The following GLT1D1 variants were observed in gnomAD, a reference collection of about 807,000 sequenced individuals.
The protein encoded by GLT1D1 is glycosyltransferase 1 domain-containing protein 1.
GLT1D1 carries 21 observed loss-of-function variants against 28.7 expected under a neutral mutation model. The ratio of observed to expected loss-of-function variants is 0.73; its 90% CI spans 0.52 to 1.05. The LOEUF is 1.05. Ranked by LOEUF, GLT1D1 falls within the 50% of genes least tolerant of loss-of-function variation. The pLI, the probability that GLT1D1 is intolerant of heterozygous loss-of-function variation, is 0.00. For missense variants in GLT1D1, 343 were observed against 330.6 expected (o/e 1.04, Z -0.29); for synonymous variants, 147 against 124.8 (o/e 1.18, Z -1.19).
intron 6 of GLT1D1, among the ~76,000 whole-genome samples, chr12:128,953,797 G>A (rs1399744878): frequency 6.6e-6 from 1 of 151,682 alleles, no homozygotes; most frequent in African/African-American, 2.4e-5. Flanking sequence ...CCAGGCTGGA[G>A]TGCAGTGACG....
chr12:128,984,228 A>T lies in GLT1D1; in HGVS notation c.*1138A>T, dbSNP rs1880586942. 1 of 152,228 alleles carries T rather than the reference A, an allele frequency of 6.6e-6. No individual in the cohort carries two copies. Among genetic ancestry groups the T allele is most frequent in the South Asian group, 2.1e-4 (1 of 4,830 alleles). The allele number at this position is 152,228 out of a possible 1,614,324, so 9.4% of individuals were successfully genotyped here. On this transcript the variant is annotated 3_prime_UTR_variant, in exon 8 of 8. Transcript: ENST00000281703. Reference sequence around the variant, plus strand: ...GTTGCTGTGGGAAGCGTTCGGTGAAAGCGGGTTTCGACGCTTAGGAGGGCC... The same window carrying T: ...GTTGCTGTGGGAAGCGTTCGGTGAATGCGGGTTTCGACGCTTAGGAGGGCC...
intron 2 of GLT1D1, 123 bp downstream of exon 2, chr12:128,876,185 A>C: frequency 1.2e-6 from 1 of 836,580 alleles, no homozygotes; most frequent in Admixed American, 2.8e-5. Context: ...GGAGACATGC[A>C]ATAATCTCTT....
At chr12:128,898,889 C>T (rs1313798897) in intron 3 of GLT1D1, among the ~76,000 whole-genome samples, 3 of 152,216 alleles carry the variant, frequency 2.0e-5, no homozygotes, top group East Asian at 1.9e-4. Context: ...AGTGGACAGG[C>T]TGCCCTTGAA....
chr12:128,883,688 A>G (rs1181420501), intron 2 of GLT1D1, among the ~76,000 whole-genome samples: 4 of 152,054 alleles, frequency 2.6e-5, no homozygotes, highest in African/African-American at 9.7e-5. Context: ...CCTCTAGCAC[A>G]AGTACTGATT....
At position 128,980,367 on chromosome 12, in the gene GLT1D1, T is replaced by C. The variant is rs79473787; in HGVS notation, c.640-2562T>C. ...ACTTCAAACATTCACGGTTCTCTTG[T>C]TGAAGAGGAGGAGCTGAGTGCCTGG... On this transcript the variant is annotated intron_variant, in intron 7 of 7. Transcript: ENST00000281703. 2.5e-3 allele frequency among the ~76,000 whole-genome samples: 376 copies of C among 152,318 alleles called. 1 individual carries two copies. The highest frequency in any genetic ancestry group is 8.7e-3 in the African/African-American group (361 of 41,568).
intron 2 of GLT1D1, among the ~76,000 whole-genome samples, chr12:128,886,052 A>T (rs1416389420): frequency 6.6e-6 from 1 of 152,044 alleles, no homozygotes; most frequent in Admixed American, 6.6e-5. Context: ...GTCTCTCATG[A>T]TCTGATGGTT....
intron 4 of GLT1D1, among the ~76,000 whole-genome samples, chr12:128,942,743 G>GTTTTTT (rs1254764237): frequency 3.0e-5 from 3 of 100,916 alleles, no homozygotes; most frequent in South Asian, 3.6e-4. Context: ...TTGTTTGTTT[G>GTTTTTT]TTTTTGTTTT....
rs757554858 is a variant in GLT1D1, at chr12:128,945,362, G to C, written c.412G>C (p.Val138Leu). ...GTTTACAAGGGAAGTGAAAGCCAAA[G>C]TGAAAAGGTAAGAGTTGGTGGAGAC... Residue 138 changes from valine (V) to leucine (L), a missense_variant, in exon 5 of 8, where the codon GTG becomes CTG. Physicochemically the swap from Val to Leu is conservative, Grantham distance 32 (BLOSUM62 1). Transcript: ENST00000281703. The C allele has an allele frequency of 1.9e-6, 3 of 1,613,954 alleles. No homozygotes were observed. The African/African-American group carries it at 4.0e-5, about 22-fold the overall frequency.
chr12:128,939,541 G>A (rs979882352), intron 4 of GLT1D1, among the ~76,000 whole-genome samples: 1 of 152,068 alleles, frequency 6.6e-6, no homozygotes. Flanking sequence ...GGGCCACATT[G>A]TGAGACCCTG....
intron 1 of GLT1D1, 31 bp from the exon 2 acceptor site, chr12:128,875,883 T>TCTTCTC (rs772183334): frequency 1.3e-6 from 2 of 1,596,186 alleles, no homozygotes; most frequent in South Asian, 2.3e-5. Flanking sequence ...TTTCCCCTCA[T>TCTTCTC]CTTCTCCTTT....
At chr12:128,937,521 A>G (rs1270472623) in intron 4 of GLT1D1, among the ~76,000 whole-genome samples, 2 of 152,170 alleles carry the variant, frequency 1.3e-5, no homozygotes, top group African/African-American at 4.8e-5. Context: ...GAGAGGGGGC[A>G]TTGCCTGCAT....
chr12:128,955,649 A>C (rs1877201344), intron 6 of GLT1D1, among the ~76,000 whole-genome samples: 1 of 152,046 alleles, frequency 6.6e-6, no homozygotes, highest in Non-Finnish European at 1.5e-5. Flanking sequence ...GGTCCTGGTC[A>C]GTTGTCCTTG....
intron 7 of GLT1D1, among the ~76,000 whole-genome samples, chr12:128,961,896 G>A (rs1360064993): frequency 6.6e-6 from 1 of 150,646 alleles, no homozygotes; most frequent in East Asian, 1.9e-4. Context: ...ACAGAAATGT[G>A]ACCTTTTTTT....
At chr12:128,919,595 G>A (rs189902501) in intron 4 of GLT1D1, among the ~76,000 whole-genome samples, 128 of 152,202 alleles carry the variant, frequency 8.4e-4, no homozygotes, top group African/African-American at 2.9e-3. Context: ...ATACAAACAG[G>A]TCAACTAAGA....
intron 4 of GLT1D1, among the ~76,000 whole-genome samples, chr12:128,923,422 T>TG (rs1273551099): frequency 2.6e-5 from 4 of 152,258 alleles, no homozygotes; most frequent in African/African-American, 9.6e-5. Context: ...TGTTCTGTGG[T>TG]GGGGGGTTTG....
chr12:128,927,999 CAAAAAAAAAAA>C (rs938188484), intron 4 of GLT1D1, among the ~76,000 whole-genome samples: 236 of 42,240 alleles, frequency 5.6e-3, no homozygotes, highest in African/African-American at 0.026. Context: ...GACTCTGTCT[CAAAAAAAAAAA>C]AAAAAAAAAA....
chr12:128,860,640 G>T (rs1956336116), intron 1 of GLT1D1, among the ~76,000 whole-genome samples: 1 of 152,182 alleles, frequency 6.6e-6, no homozygotes, highest in African/African-American at 2.4e-5. Flanking sequence ...ATTGGCTAGT[G>T]TGGCTGCCAG....
intron 4 of GLT1D1, among the ~76,000 whole-genome samples, chr12:128,939,603 A>G (rs2135476025): frequency 6.6e-6 from 1 of 152,226 alleles, no homozygotes; most frequent in East Asian, 1.9e-4. Context: ...AGAATTTATA[A>G]AGAAAACAGG....
chr12:128,883,735 A>G (rs1308440726), intron 2 of GLT1D1, among the ~76,000 whole-genome samples: 1 of 152,124 alleles, frequency 6.6e-6, no homozygotes, highest in Non-Finnish European at 1.5e-5. Flanking sequence ...CTCCGAGTCA[A>G]CTCACTTGGA....
Sources: allele counts gnomAD v4.1 joint callset (sites outside exome capture counted in the v4.1 genomes callset), GRCh38; gene constraint gnomAD v4.1.1; transcripts MANE v1.5; gene names NCBI Gene and HGNC (gene_info 2026-07-23, HGNC 2026-07-21).